Variants in ANKRD13D observed in about 807,000 individuals in gnomAD.
ANKRD13D encodes ankyrin repeat domain-containing protein 13D.
In ANKRD13D, 24 loss-of-function variants were observed where a neutral mutation model predicts 68.8. That is an observed-to-expected ratio of 0.35 (90% CI 0.25 to 0.49). ANKRD13D has a LOEUF of 0.49. Ranked by LOEUF, ANKRD13D falls within the 20% of genes least tolerant of loss-of-function variation. ANKRD13D has a pLI of 0.99. For missense variants in ANKRD13D, 735 were observed against 832.1 expected (o/e 0.88, Z 1.44); for synonymous variants, 331 against 336.1 (o/e 0.98, Z 0.16).
rs1860556060 is a variant in ANKRD13D, at chr11:67,291,663, G to A, written c.458G>A (p.Ser153Asn). Residue 153 changes from serine to asparagine, a missense_variant, in exon 5 of 15, where the codon AGC (serine) becomes AAC (asparagine). Coordinates refer to ENST00000511455, the MANE Select transcript of ANKRD13D (RefSeq NM_207354.3). ...DVYRVWKRGE[S>N]LRVDTSLLGF... is the part of the protein sequence containing the mutation. Reference sequence around the variant, plus strand: ...TACCGCGTGTGGAAGCGGGGTGAGAGCCTGCGAGTAGACACCAGTCTCCTG... The same window carrying A: ...TACCGCGTGTGGAAGCGGGGTGAGAACCTGCGAGTAGACACCAGTCTCCTG... 6.2e-7 allele frequency: 1 copy of A among 1,614,120 alleles called. No individual in the cohort carries two copies.
At chr11:67,296,977 A>G (rs940009371) in intron 6 of ANKRD13D, among the ~76,000 whole-genome samples, 11 of 152,068 alleles carry the variant, frequency 7.2e-5, no homozygotes, top group Admixed American at 3.3e-4. Context: ...AGGTTTGTCA[A>G]TTTTGTTGAT....
rs542618241 is a variant in ANKRD13D at position 67,289,696 on chromosome 11, A to G, written c.90+146A>G. On this transcript the variant is annotated intron_variant, in intron 1 of 14. Coordinates refer to ENST00000511455, the MANE Select transcript of ANKRD13D (RefSeq NM_207354.3). The stretch of plus-strand genomic sequence containing the variant: ...TCCTCCCCTGCACGATCCCAAGCCC[A>G]GGTCACCGGCCCCTCGCGCCTGAGC... The G allele has an allele frequency of 2.4e-5, 31 of 1,296,404 alleles. 1 individual carries two copies. The South Asian group carries it at 4.5e-4, about 19-fold the overall frequency. The allele number at this position is 1,296,404 out of a possible 1,614,324, so 80.3% of individuals were successfully genotyped here.
In ANKRD13D at chr11:67,302,245, A is replaced by C. The variant is rs777051069; in HGVS notation, c.1731A>C (p.Ser577=). ...TGCGCCTGGCCCTGGAGTTGTCTTC[A>C]CGGGAGCAGGAGGAGCGGGAGCGGC... ...EQLRLALELS[S]REQEERERRG... The change falls in exon 15 of 15, where the codon TCA becomes TCC. Residue 577 remains serine, a synonymous_variant. Transcript: ENST00000511455. The C allele has an allele frequency of 1.7e-5, 26 of 1,574,272 alleles. No homozygotes were observed. The highest frequency in any genetic ancestry group is 1.8e-5 in the Admixed American group (1 of 54,488).
At chr11:67,291,382 A>G (rs1590864219) in intron 3 of ANKRD13D, 94 bp from the exon 4 acceptor site, 2 of 802,050 alleles carry the variant, frequency 2.5e-6, no homozygotes, top group Non-Finnish European at 4.0e-6. Flanking sequence ...AAAAGACCTG[A>G]TGAAGGGCTG....
At chr11:67,295,408 C>T (rs954255764) in intron 6 of ANKRD13D, among the ~76,000 whole-genome samples, 2 of 150,622 alleles carry the variant, frequency 1.3e-5, no homozygotes, top group African/African-American at 4.9e-5. Context: ...CAGACCAAGA[C>T]TCCATCTCAA....
Position 67,301,465 on chromosome 11 carries a change from T to C in ANKRD13D, c.1349-23T>C. On this transcript the variant is annotated intron_variant, in intron 12 of 14. Coordinates refer to ENST00000511455, the MANE Select transcript of ANKRD13D (RefSeq NM_207354.3). The surrounding 1 kb of genome is among the most constrained non-coding windows in gnomAD (Gnocchi z 4.5). ...GTCACCAAGCCCCGCGGGTTGAGCG[T>C]GGCCCCTCTGCCACCTGCCTAGGGA... The C allele has an allele frequency of 6.2e-7, 1 of 1,610,392 alleles. No individual in the cohort carries two copies. Among genetic ancestry groups the C allele is most frequent in the Admixed American group, 1.7e-5 (1 of 59,836 alleles).
rs951989032 is a variant in ANKRD13D, at chr11:67,302,065, C to A, written c.1605-54C>A. The A allele has an allele frequency of 9.4e-6, 14 of 1,481,964 alleles. No individual in the cohort carries two copies. The Admixed American group carries it at 3.2e-4, about 34-fold the overall frequency. 91.8% of individuals were successfully genotyped at this position (1,481,964 alleles called of 1,614,324 possible). A position where few individuals can be genotyped will look rare whatever the true frequency, so the allele number is the denominator to read the frequency against. ...CCGGTCCCCAGCCCCTCGGCTTCTG[C>A]CCCAGCCTTGGCGCTCACTGGCCTG... On this transcript the variant is annotated intron_variant, in intron 14 of 14. Coordinates refer to ENST00000511455, the MANE Select transcript of ANKRD13D (RefSeq NM_207354.3).
chr11:67,300,642 T>C lies in ANKRD13D; in HGVS notation c.1074-348T>C. The C allele has an allele frequency of 2.2e-6, 1 of 453,754 alleles. No homozygotes were observed. Among genetic ancestry groups the C allele is most frequent in the Non-Finnish European group, 3.9e-6 (1 of 257,390 alleles). The allele number at this position is 453,754 out of a possible 1,614,324, so 28.1% of individuals were successfully genotyped here. The stretch of plus-strand genomic sequence containing the variant: ...CCTGGGGTGTGCTGGACATAAAAGT[T>C]TGGCAACACGTGAGCTGGTGACCAG... On this transcript the variant is annotated intron_variant, in intron 10 of 14. Transcript: ENST00000511455. The surrounding 1 kb of genome is among the most constrained non-coding windows in gnomAD (Gnocchi z 4.3).
Position 67,289,492 on chromosome 11 carries a change from A to C in ANKRD13D, c.32A>C (p.His11Pro), listed in dbSNP as rs1400544945. Residue 11 changes from histidine to proline, a missense_variant, in exon 1 of 15, where the codon CAC becomes CCC. Physicochemically the swap from His to Pro is moderately conservative, Grantham distance 77. Transcript: ENST00000511455. Reference protein sequence around the residue: MAGPGPTFPLHRLVWANRHRE... With the variant: MAGPGPTFPLPRLVWANRHRE... ...GGCCCGGGCCCCACCTTCCCGCTGC[A>C]CCGGCTCGTCTGGGCGAACCGGCAT... 2 of 1,514,598 alleles carry C rather than the reference A, an allele frequency of 1.3e-6. No individual in the cohort carries two copies. Among genetic ancestry groups the C allele is most frequent in the African/African-American group, 2.9e-5 (2 of 69,832 alleles). 93.8% of individuals were successfully genotyped at this position (1,514,598 alleles called of 1,614,324 possible). A position where few individuals can be genotyped will look rare whatever the true frequency, so the allele number is the denominator to read the frequency against.
At position 67,301,169 on chromosome 11, in the gene ANKRD13D, G is replaced by A; in HGVS notation, c.1231+22G>A. The stretch of plus-strand genomic sequence containing the variant: ...ATTGGTGAGAGGCTGGGCACAGGCA[G>A]CGGGAGGACCTCAGGCATGGCACCC... On this transcript the variant is annotated intron_variant, in intron 11 of 14. Coordinates refer to ENST00000511455, the MANE Select transcript of ANKRD13D (RefSeq NM_207354.3). This position sits in a 1 kb window ranked among gnomAD's most constrained non-coding sequence, Gnocchi z 4.5. The A allele has an allele frequency of 6.2e-7, 1 of 1,610,792 alleles. No individual in the cohort carries two copies. The highest frequency in any genetic ancestry group is 8.5e-7 in the Non-Finnish European group (1 of 1,178,072).
chr11:67,291,799 C>G (rs1264026230), intron 5 of ANKRD13D, 53 bp downstream of exon 5: 1 of 1,598,564 alleles, frequency 6.3e-7, no homozygotes, highest in Non-Finnish European at 8.5e-7. Context: ...TTTCCTGCGG[C>G]TTGGGAGGAC....
chr11:67,289,329 C>A lies in ANKRD13D; in HGVS notation c.-132C>A. On this transcript the variant is annotated 5_prime_UTR_variant, in exon 1 of 15. Transcript: ENST00000511455. ...CCCTCCCTGCCGCCCGCGCTGCCGC[C>A]GCCGCCGCCGCCGCCGCTACTGCTG... 2.2e-6 allele frequency: 1 copy of A among 450,324 alleles called. No homozygotes were observed. Among genetic ancestry groups the A allele is most frequent in the Non-Finnish European group, 2.9e-6 (1 of 343,628 alleles). The allele number at this position is 450,324 out of a possible 1,614,324, so 27.9% of individuals were successfully genotyped here.
At position 67,301,250 on chromosome 11, in the gene ANKRD13D, G is replaced by T. The variant is rs545092792; in HGVS notation, c.1232-32G>T. 8.5e-5 allele frequency: 136 copies of T among 1,599,330 alleles called. 1 individual carries two copies. The South Asian group carries it at 1.5e-3, about 17-fold the overall frequency. ...GGGCCGGAGGCACAGGTGGCTCTCCGCCAGGGCTCAGGCGTGGCTGTCTTC... is the reference window on the plus strand; with the variant it reads ...GGGCCGGAGGCACAGGTGGCTCTCCTCCAGGGCTCAGGCGTGGCTGTCTTC... On this transcript the variant is annotated intron_variant, in intron 11 of 14. Coordinates refer to ENST00000511455, the MANE Select transcript of ANKRD13D (RefSeq NM_207354.3). This position sits in a 1 kb window ranked among gnomAD's most constrained non-coding sequence, Gnocchi z 4.5.
At chr11:67,291,447 C>G (rs751202804) in intron 3 of ANKRD13D, 29 bp from the exon 4 acceptor site, 10 of 1,612,162 alleles carry the variant, frequency 6.2e-6, no homozygotes, top group Non-Finnish European at 8.5e-6. Flanking sequence ...GCAGGCAGGG[C>G]GCTGACAAGC....
In ANKRD13D at chr11:67,301,878, G is replaced by A; in HGVS notation, c.1604+55G>A. 1 of 1,519,334 alleles carries A rather than the reference G, an allele frequency of 6.6e-7. No individual in the cohort carries two copies. The highest frequency in any genetic ancestry group is 8.9e-7 in the Non-Finnish European group (1 of 1,128,936). 94.1% of individuals were successfully genotyped at this position (1,519,334 alleles called of 1,614,324 possible). ...CTGTCCCCCCAGCCCTGGCTTGGCG[G>A]GGAGGGGGATAGCAGGAAGGTGCTA... On this transcript the variant is annotated intron_variant, in intron 14 of 14. Transcript: ENST00000511455. The surrounding 1 kb of genome is among the most constrained non-coding windows in gnomAD (Gnocchi z 4.5).
chr11:67,290,099 C>A lies in ANKRD13D; in HGVS notation c.112C>A (p.Pro38Thr). The A allele has an allele frequency of 6.5e-7, 1 of 1,537,146 alleles. No homozygotes were observed. The highest frequency in any genetic ancestry group is 8.7e-7 in the Non-Finnish European group (1 of 1,146,870). ...SHQHDIEQED[P>T]RGRTPLELAV... ...CCAGCACGACATTGAACAGGAGGAC[C>A]CCCGCGGGCGGACCCCACTGGAGCT... Residue 38 changes from proline (P) to threonine (T), a missense_variant, in exon 2 of 15, where the codon CCC becomes ACC. Physicochemically the swap from Pro to Thr is conservative, Grantham distance 38. Transcript: ENST00000511455.
chr11:67,301,823 G>A lies in ANKRD13D; in HGVS notation c.1604G>A (p.Arg535Gln), dbSNP rs778572218. 1.6e-5 allele frequency: 25 copies of A among 1,591,626 alleles called. No homozygotes were observed. Among genetic ancestry groups the A allele is most frequent in the Middle Eastern group, 1.7e-4 (1 of 6,026 alleles). ...TVYEEQLQLERALQESLQLST... is the reference protein window; with the variant it reads ...TVYEEQLQLEQALQESLQLST... ...TATGAGGAACAGCTTCAGCTGGAGC[G>A]GTGAGCCCCTCATGGGGCTGGCTGG... The change falls in exon 14 of 15, where the codon CGG (arginine) becomes CAG (glutamine). Residue 535 changes from arginine to glutamine, a missense_variant and splice_region_variant. Coordinates refer to ENST00000511455, the MANE Select transcript of ANKRD13D (RefSeq NM_207354.3). This position sits in a 1 kb window ranked among gnomAD's most constrained non-coding sequence, Gnocchi z 4.5.
rs922927283 is a variant in ANKRD13D, at chr11:67,290,693, G to T, written c.351+247G>T. 8.2e-6 allele frequency: 4 copies of T among 490,346 alleles called. No individual in the cohort carries two copies. In the Admixed American group the frequency reaches 1.4e-4, roughly 17 times the overall value. 30.4% of individuals were successfully genotyped at this position (490,346 alleles called of 1,614,324 possible). On this transcript the variant is annotated intron_variant, in intron 3 of 14. Transcript: ENST00000511455. ...AGCTTTGGGCCTCCTGAAGAATGCA[G>T]ATTACCTGGAGCAGGGACTTCAGGT...
intron 6 of ANKRD13D, among the ~76,000 whole-genome samples, chr11:67,292,646 A>T (rs1274717639): frequency 2.0e-5 from 3 of 152,154 alleles, no homozygotes; most frequent in Non-Finnish European, 2.9e-5. Flanking sequence ...AAAAACCTTT[A>T]TTGAGATATA....
Sources: gnomAD v4.1 joint callset for allele counts (sites outside exome capture counted in the v4.1 genomes callset) on GRCh38, gnomAD v4.1.1 for gene constraint, Gnocchi (gnomAD v3.1) non-coding constraint, MANE v1.5 for transcripts, NCBI Gene and HGNC (gene_info 2026-07-23, HGNC 2026-07-21) for gene names.